The following PPIP5K2 variants were observed in gnomAD, a reference collection of about 807,000 sequenced individuals.
PPIP5K2 encodes inositol hexakisphosphate and diphosphoinositol-pentakisphosphate kinase 2.
In PPIP5K2, 105 loss-of-function variants were observed where a neutral mutation model predicts 154.6. That is an observed-to-expected ratio of 0.68 (90% CI 0.58 to 0.80). The LOEUF (loss-of-function observed/expected upper bound fraction) is 0.80. Ranked by LOEUF, PPIP5K2 falls within the 30% of genes least tolerant of loss-of-function variation. The probability of loss-of-function intolerance (pLI) is 0.00; values close to 1 mark genes in which losing one functional copy is unlikely to be tolerated. For synonymous variants in PPIP5K2, 480 were observed against 490.3 expected (o/e 0.98, Z 0.28); for missense variants, 992 against 1,504.6 (o/e 0.66, Z 5.64).
At position 103,149,214 on chromosome 5, in the gene PPIP5K2, C is replaced by T. The variant is rs376779677; in HGVS notation, c.807C>T (p.Gly269=). ...CTCGAAAATCTCCAGCACTTGATGG[C>T]AAGGTGGAACGAGACAGTGAAGGAA... is the stretch of plus-strand genomic sequence containing the variant. The part of the protein sequence containing the change: ...AEARKSPALD[G]KVERDSEGKE... The change falls in exon 8 of 31, where the codon GGC becomes GGT. Residue 269 remains glycine, a synonymous_variant. Coordinates refer to ENST00000358359, the MANE Select transcript of PPIP5K2 (RefSeq NM_001276277.3). 4 of 1,613,902 alleles carry T rather than the reference C, an allele frequency of 2.5e-6. No individual in the cohort carries two copies. The highest frequency in any genetic ancestry group is 3.4e-6 in the Non-Finnish European group (4 of 1,179,904).
At chr5:103,135,296 G>A (rs1376726082) in intron 3 of PPIP5K2, among the ~76,000 whole-genome samples, 6 of 152,148 alleles carry the variant, frequency 3.9e-5, no homozygotes, top group Non-Finnish European at 5.9e-5. Context: ...GCTTAGAGAC[G>A]TTAAATAAAT....
At chr5:103,197,463 T>C (rs566367589) in intron 30 of PPIP5K2, among the ~76,000 whole-genome samples, 1 of 152,112 alleles carries the variant, frequency 6.6e-6, no homozygotes, top group African/African-American at 2.4e-5. Context: ...TGTTCTACTT[T>C]TTTTTTGTGA....
At chr5:103,191,087 G>A (rs1801159532) in intron 29 of PPIP5K2, 105 bp downstream of exon 29, 7 of 1,097,384 alleles carry the variant, frequency 6.4e-6, no homozygotes, top group Non-Finnish European at 9.1e-6. Context: ...GTGGTAATGA[G>A]TAGGAGTACA....
At chr5:103,143,241 A>T (rs1793145598) in intron 5 of PPIP5K2, among the ~76,000 whole-genome samples, 1 of 152,232 alleles carries the variant, frequency 6.6e-6, no homozygotes, top group Non-Finnish European at 1.5e-5. Flanking sequence ...CTCTTCACCC[A>T]TGTTAGAGTG....
intron 17 of PPIP5K2, among the ~76,000 whole-genome samples, chr5:103,162,886 A>G (rs1336908873): frequency 6.6e-6 from 1 of 152,114 alleles, no homozygotes; most frequent in Non-Finnish European, 1.5e-5. Context: ...AAGAATGTCA[A>G]GGTTGTTATT....
At chr5:103,200,960 A>G (rs1802886957) in intron 30 of PPIP5K2, among the ~76,000 whole-genome samples, 2 of 152,174 alleles carry the variant, frequency 1.3e-5, no homozygotes, top group South Asian at 4.1e-4. Flanking sequence ...TTGATAATTC[A>G]TGAAGACTTC....
intron 28 of PPIP5K2, 59 bp downstream of exon 28, chr5:103,187,435 T>G: frequency 7.6e-7 from 1 of 1,319,640 alleles, no homozygotes; most frequent in East Asian, 2.5e-5. Flanking sequence ...TTTATTTTTA[T>G]TTTATTTCAA....
chr5:103,173,952 C>A lies in PPIP5K2; in HGVS notation c.2509C>A (p.Arg837Ser). ...SHVHSLLSIL[R>S]YGALCNESKD... Reference sequence around the variant, plus strand: ...TGTACATTCTTTGCTGTCTATTCTTCGCTATGGTGCCTTATGCAATGTAAG... The same window carrying A: ...TGTACATTCTTTGCTGTCTATTCTTAGCTATGGTGCCTTATGCAATGTAAG... Residue 837 changes from arginine to serine, a missense_variant, in exon 21 of 31, where the codon CGC becomes AGC. Arg to Ser is a moderately radical substitution (Grantham distance 110). This residue lies in a region of PPIP5K2 where 157 missense variants were observed against 281.2 expected (regional missense o/e 0.56). Transcript: ENST00000358359. 2 of 1,593,112 alleles carry A rather than the reference C, an allele frequency of 1.3e-6. No individual in the cohort carries two copies. The highest frequency in any genetic ancestry group is 1.7e-6 in the Non-Finnish European group (2 of 1,162,454).
At chr5:103,136,614 AG>A in intron 3 of PPIP5K2, 117 bp from the exon 4 acceptor site, 1 of 723,756 alleles carries the variant, frequency 1.4e-6, no homozygotes, top group Non-Finnish European at 2.5e-6. Flanking sequence ...CTTTTATAGA[AG>A]GGTGTTATGT....
chr5:103,198,321 T>TA (rs1418703664), intron 30 of PPIP5K2, among the ~76,000 whole-genome samples: 3 of 148,350 alleles, frequency 2.0e-5, no homozygotes, highest in Admixed American at 6.7e-5. Flanking sequence ...ATTTGTGTAC[T>TA]AAAAAAAAAA....
intron 5 of PPIP5K2, among the ~76,000 whole-genome samples, chr5:103,139,549 A>G (rs1286910925): frequency 6.6e-6 from 1 of 152,188 alleles, no homozygotes; most frequent in Non-Finnish European, 1.5e-5. Flanking sequence ...AGCTTTCTCA[A>G]GAAGGATGGA....
intron 30 of PPIP5K2, among the ~76,000 whole-genome samples, chr5:103,198,242 A>T (rs1224535573): frequency 1.3e-5 from 2 of 152,098 alleles, no homozygotes; most frequent in Non-Finnish European, 2.9e-5. Context: ...TTATAAAAAC[A>T]TACACTGTGT....
intron 3 of PPIP5K2, among the ~76,000 whole-genome samples, chr5:103,135,319 A>G (rs1328670243): frequency 1.3e-5 from 2 of 152,224 alleles, no homozygotes; most frequent in Non-Finnish European, 2.9e-5. Flanking sequence ...GCCCAAGGTC[A>G]CATAGCTAGT....
intron 21 of PPIP5K2, chr5:103,177,002 G>A: frequency 1.1e-6 from 1 of 900,338 alleles, no homozygotes; most frequent in South Asian, 2.0e-5. Flanking sequence ...GGCCTATATT[G>A]CATACATGAA....
rs1361180560 is a variant in PPIP5K2, at chr5:103,202,360, T to C, written c.*726T>C. On this transcript the variant is annotated 3_prime_UTR_variant, in exon 31 of 31. Transcript: ENST00000358359. ...TCATCAGGAAAACTTTTGTTTTGTA[T>C]TTTGACAAGAAAGGCACCTTCAGAG... 6.6e-6 allele frequency: 1 copy of C among 152,320 alleles called. No homozygotes were observed. The highest frequency in any genetic ancestry group is 1.5e-5 in the Non-Finnish European group (1 of 68,016). 9.4% of individuals were successfully genotyped at this position (152,320 alleles called of 1,614,324 possible). A position where few individuals can be genotyped will look rare whatever the true frequency, so the allele number is the denominator to read the frequency against.
In PPIP5K2 at chr5:103,210,810, C is replaced by T. The variant is rs1335436485; in HGVS notation, c.*9176C>T. On this transcript the variant is annotated 3_prime_UTR_variant, in exon 31 of 31. Coordinates refer to ENST00000358359, the MANE Select transcript of PPIP5K2 (RefSeq NM_001276277.3). ...TTATCAGCATGAGACAATTTATTTG[C>T]ATAATAGCTTTTTGTTATTATCCAG... 1 of 152,018 alleles carries T rather than the reference C, an allele frequency of 6.6e-6. No individual in the cohort carries two copies. The highest frequency in any genetic ancestry group is 1.5e-5 in the Non-Finnish European group (1 of 67,972). The allele number at this position is 152,018 out of a possible 1,614,324, so 9.4% of individuals were successfully genotyped here. A position where few individuals can be genotyped will look rare whatever the true frequency, so the allele number is the denominator to read the frequency against.
intron 24 of PPIP5K2, among the ~76,000 whole-genome samples, chr5:103,180,789 G>A (rs1325556909): frequency 2.0e-5 from 3 of 150,734 alleles, no homozygotes; most frequent in Non-Finnish European, 4.4e-5. Flanking sequence ...GGCAGAGCTT[G>A]CAGTGAGCTA....
At chr5:103,155,406 CTTTTTTTTTTTTTTTTTTTTTTTT>C (rs70990423) in intron 13 of PPIP5K2, among the ~76,000 whole-genome samples, 6 of 21,050 alleles carry the variant, frequency 2.9e-4, no homozygotes, top group Non-Finnish European at 3.8e-4. Context: ...TCAGAGTTGT[CTTTTTTTTTTTTTTTTTTTTTTTT>C]TTTTTTTTTT....
chr5:103,126,745 G>GTTTTT (rs369761352), intron 1 of PPIP5K2, among the ~76,000 whole-genome samples: 1 of 137,442 alleles, frequency 7.3e-6, no homozygotes, highest in Non-Finnish European at 1.6e-5. Context: ...GCCTTTTCAC[G>GTTTTT]TTTTTTTTTT....
Sources: gnomAD v4.1 joint callset for allele counts (sites outside exome capture counted in the v4.1 genomes callset) on GRCh38, gnomAD v4.1.1 for gene constraint, gnomAD v4.1.1 regional missense constraint, MANE v1.5 for transcripts, NCBI Gene and HGNC (gene_info 2026-07-23, HGNC 2026-07-21) for gene names.